SLC22A23: variants seen among roughly 807,000 people sequenced by gnomAD.
The protein encoded by SLC22A23 is ion transporter protein.
In SLC22A23, 26 loss-of-function variants were observed where a neutral mutation model predicts 61.0. That is an observed-to-expected ratio of 0.43 (90% CI 0.31 to 0.59). The LOEUF (loss-of-function observed/expected upper bound fraction) is 0.59, where lower values mean the gene tolerates loss of function less well. Among genes scored for constraint, SLC22A23 ranks in the 20% least tolerant of loss-of-function variants. The pLI is 0.11. For missense variants in SLC22A23, 796 were observed against 934.7 expected (o/e 0.85, Z 1.94); for synonymous variants, 430 against 413.9 (o/e 1.04, Z -0.47).
chr6:3,321,625 G>A (rs1242951416), intron 4 of SLC22A23, among the ~76,000 whole-genome samples: 2 of 152,044 alleles, frequency 1.3e-5, no homozygotes, highest in African/African-American at 4.8e-5. Context: ...ACATGGGTCA[G>A]CCCTGCATAA....
At chr6:3,376,029 A>G (rs974124097) in intron 3 of SLC22A23, among the ~76,000 whole-genome samples, 1 of 152,180 alleles carries the variant, frequency 6.6e-6, no homozygotes, top group African/African-American at 2.4e-5. Flanking sequence ...TCATTTTTGA[A>G]TATTTTATGG....
intron 1 of SLC22A23, chr6:3,439,362 A>C (rs1771438289): frequency 3.1e-6 from 1 of 325,644 alleles, no homozygotes; most frequent in South Asian, 1.7e-5. Context: ...GGCATTTCTG[A>C]AAGTTCCCCA....
intron 3 of SLC22A23, among the ~76,000 whole-genome samples, chr6:3,355,532 C>T (rs1765019428): frequency 6.6e-6 from 1 of 152,088 alleles, no homozygotes; most frequent in Non-Finnish European, 1.5e-5. Context: ...CAGGACGTTG[C>T]TGGGCAGAGG....
At chr6:3,413,456 C>T (rs1017458161) in intron 2 of SLC22A23, among the ~76,000 whole-genome samples, 2 of 152,202 alleles carry the variant, frequency 1.3e-5, no homozygotes, top group African/African-American at 4.8e-5. Context: ...CTTCCCAGGG[C>T]AGGCTGGGGA....
intron 1 of SLC22A23, among the ~76,000 whole-genome samples, chr6:3,449,996 T>C (rs1171829410): frequency 1.3e-5 from 2 of 152,224 alleles, no homozygotes; most frequent in Non-Finnish European, 2.9e-5. Flanking sequence ...TACTGATGTA[T>C]TCATCTCCAG....
intron 3 of SLC22A23, among the ~76,000 whole-genome samples, chr6:3,380,175 A>G (rs1766867851): frequency 6.6e-6 from 1 of 152,226 alleles, no homozygotes; most frequent in African/African-American, 2.4e-5. Context: ...CATAGGGGTG[A>G]GTGGCTTACC....
chr6:3,270,104 G>A lies in SLC22A23; in HGVS notation c.*2951C>T, dbSNP rs575396518. 6.6e-6 allele frequency: 1 copy of A among 152,506 alleles called. No individual in the cohort carries two copies. The highest frequency in any genetic ancestry group is 6.5e-5 in the Admixed American group (1 of 15,300). The allele number at this position is 152,506 out of a possible 1,614,324, so 9.4% of individuals were successfully genotyped here. A position where few individuals can be genotyped will look rare whatever the true frequency, so the allele number is the denominator to read the frequency against. On this transcript the variant is annotated 3_prime_UTR_variant, in exon 10 of 10. Coordinates refer to ENST00000406686, the MANE Select transcript of SLC22A23 (RefSeq NM_015482.2). ...TGAAGAAATGTTCAGCTCCATCTCA[G>A]GTGTTCACATTTGTGCATAACTTTT...
chr6:3,276,473 G>C (rs1758915690), intron 9 of SLC22A23, among the ~76,000 whole-genome samples: 1 of 152,194 alleles, frequency 6.6e-6, no homozygotes, highest in South Asian at 2.1e-4. Flanking sequence ...CTAGAACACA[G>C]AGCTAATCAT....
intron 1 of SLC22A23, among the ~76,000 whole-genome samples, chr6:3,455,226 G>A (rs1339934511): frequency 6.6e-6 from 1 of 152,190 alleles, no homozygotes; most frequent in Non-Finnish European, 1.5e-5. Context: ...GCACACCCCC[G>A]TTCTCAGTGC....
intron 1 of SLC22A23, among the ~76,000 whole-genome samples, chr6:3,424,070 G>A (rs766880900): frequency 1.8e-4 from 27 of 151,994 alleles, no homozygotes; most frequent in Non-Finnish European, 2.2e-4. Context: ...TTTATGGCTG[G>A]AGTCACCTGT....
chr6:3,287,709 A>T (rs1195301388), intron 6 of SLC22A23, among the ~76,000 whole-genome samples: 1 of 149,132 alleles, frequency 6.7e-6, no homozygotes, highest in African/African-American at 2.4e-5. Context: ...TTTTGAGTAG[A>T]GCCGTGTTCT....
intron 4 of SLC22A23, among the ~76,000 whole-genome samples, chr6:3,320,195 A>G (rs548938347): frequency 1.3e-5 from 2 of 152,236 alleles, no homozygotes; most frequent in South Asian, 2.1e-4. Flanking sequence ...TTGGTTTGAC[A>G]CCTGGGAACT....
intron 1 of SLC22A23, among the ~76,000 whole-genome samples, chr6:3,431,121 G>GT (rs942387267): frequency 6.6e-6 from 1 of 151,978 alleles, no homozygotes; most frequent in African/African-American, 2.4e-5. Flanking sequence ...ATGTGTGAGG[G>GT]TTTAAAAATG....
chr6:3,436,969 T>C, intron 1 of SLC22A23, among the ~76,000 whole-genome samples: 1 of 152,196 alleles, frequency 6.6e-6, no homozygotes, highest in East Asian at 1.9e-4. Flanking sequence ...AAAACTTCTT[T>C]TCAGTAAGAT....
intron 4 of SLC22A23, among the ~76,000 whole-genome samples, chr6:3,302,368 T>G (rs1365598643): frequency 6.6e-6 from 1 of 152,182 alleles, no homozygotes; most frequent in African/African-American, 2.4e-5. Context: ...TTAAAATCTT[T>G]TCAAAAAACC....
intron 1 of SLC22A23, chr6:3,439,239 A>C: frequency 2.5e-6 from 1 of 406,426 alleles, no homozygotes; most frequent in Middle Eastern, 4.3e-4. Context: ...AAGGTGTGAC[A>C]ACAACGACAA....
intron 9 of SLC22A23, among the ~76,000 whole-genome samples, chr6:3,275,259 T>C (rs779013371): frequency 1.2e-4 from 19 of 152,192 alleles, no homozygotes; most frequent in Non-Finnish European, 2.4e-4. Context: ...CAACAGGATA[T>C]TCATGTGCAA....
intron 1 of SLC22A23, among the ~76,000 whole-genome samples, chr6:3,436,572 C>T (rs559256799): frequency 1.3e-5 from 2 of 152,290 alleles, no homozygotes; most frequent in East Asian, 1.9e-4. Context: ...TGTCTTCTCC[C>T]GCTCCTTCCC....
intron 2 of SLC22A23, among the ~76,000 whole-genome samples, chr6:3,411,291 C>T (rs932933640): frequency 6.6e-6 from 1 of 152,116 alleles, no homozygotes; most frequent in South Asian, 2.1e-4. Flanking sequence ...AGAGTGGATG[C>T]TATTTGCCAG....
Sources: gnomAD v4.1 joint callset for allele counts (sites outside exome capture counted in the v4.1 genomes callset) on GRCh38, gnomAD v4.1.1 for gene constraint, MANE v1.5 for transcripts, NCBI Gene and HGNC (gene_info 2026-07-23, HGNC 2026-07-21) for gene names.